The following PLG variants were observed in gnomAD, a reference collection of about 807,000 sequenced individuals.
The protein encoded by PLG is plasminogen.
PLG carries 41 observed loss-of-function variants against 104.4 expected under a neutral mutation model. The observed-to-expected ratio is 0.39, with a 90% CI of 0.31 to 0.51. The LOEUF is 0.51. Ranked by LOEUF, PLG falls within the 20% of genes least tolerant of loss-of-function variation. The pLI is 0.76. For missense variants in PLG, 891 were observed against 1,003.6 expected (o/e 0.89, Z 1.52); for synonymous variants, 337 against 357.1 (o/e 0.94, Z 0.63).
intron 17 of PLG, among the ~76,000 whole-genome samples, chr6:160,746,200 G>A (rs923986241): frequency 2.0e-5 from 3 of 152,026 alleles, no homozygotes; most frequent in Non-Finnish European, 4.4e-5. Flanking sequence ...AAGTTTTCAT[G>A]GACAATATCC....
chr6:160,714,611 G>T (rs992083113), intron 5 of PLG, among the ~76,000 whole-genome samples, 183 bp from the exon 6 acceptor site: 2 of 152,188 alleles, frequency 1.3e-5, no homozygotes, highest in African/African-American at 4.8e-5. Flanking sequence ...ATGACATTTG[G>T]ATTATGCTAG....
intron 6 of PLG, among the ~76,000 whole-genome samples, 154 bp from the exon 7 acceptor site, chr6:160,716,491 T>C (rs4252108): frequency 2.0e-5 from 3 of 151,922 alleles, no homozygotes; most frequent in African/African-American, 7.3e-5. Flanking sequence ...CTTGTTTCCT[T>C]GTTGCCATCT....
At position 160,714,812 on chromosome 6, in the gene PLG, G is replaced by A; in HGVS notation, c.566G>A (p.Ser189Asn). The change falls in exon 6 of 19, where the codon AGT (serine) becomes AAT (asparagine). Residue 189 changes from serine (S) to asparagine (N), a missense_variant. This residue lies in a region of PLG where 854 missense variants were observed against 932.1 expected (regional missense o/e 0.92). Transcript: ENST00000308192. ...TGTCCAGAGGAATGTATGCATTGCA[G>A]TGGAGAAAACTATGACGGCAAAATT... Reference protein sequence around the residue: ...LECEEECMHCSGENYDGKISK... With the variant: ...LECEEECMHCNGENYDGKISK... The A allele has an allele frequency of 6.2e-7, 1 of 1,613,722 alleles. No individual in the cohort carries two copies. The highest frequency in any genetic ancestry group is 8.5e-7 in the Non-Finnish European group (1 of 1,179,654).
Position 160,752,032 on chromosome 6 carries a change from C to T in PLG, c.2126-83C>T, listed in dbSNP as rs1778410158. On this transcript the variant is annotated intron_variant, in intron 17 of 18. Coordinates refer to ENST00000308192, the MANE Select transcript of PLG (RefSeq NM_000301.5). The surrounding 1 kb of genome is among the most constrained non-coding windows in gnomAD (Gnocchi z 4.7). ...TTCTGCAGCCTCACAGACAGGAGGT[C>T]CAGTGCCGCTGCTCTGTTCTGGAAT... The T allele has an allele frequency of 1.7e-6, 2 of 1,207,918 alleles. No homozygotes were observed. Among genetic ancestry groups the T allele is most frequent in the Admixed American group, 1.7e-5 (1 of 59,406 alleles). 74.8% of individuals were successfully genotyped at this position (1,207,918 alleles called of 1,614,324 possible).
intron 5 of PLG, among the ~76,000 whole-genome samples, chr6:160,713,940 G>A (rs573477982): frequency 6.6e-6 from 1 of 152,254 alleles, no homozygotes; most frequent in East Asian, 1.9e-4. Context: ...AGTGCAAAAG[G>A]GAATAAATAA....
rs768229583 is a variant in PLG, at chr6:160,732,834, C to G, written c.1587+941C>G. ...CTCCAGTGCACCAGCCCCCGGTACCCCAAGTGTTCAGCAACCCAGAAGCTC... is the reference window on the plus strand; with the variant it reads ...CTCCAGTGCACCAGCCCCCGGTACCGCAAGTGTTCAGCAACCCAGAAGCTC... On this transcript the variant is annotated intron_variant, in intron 12 of 18. Transcript: ENST00000308192. This position sits in a 1 kb window ranked among gnomAD's most constrained non-coding sequence, Gnocchi z 4.5. Among the ~76,000 whole-genome samples, 15 of 152,146 alleles carry G rather than the reference C, an allele frequency of 9.9e-5. No individual in the cohort carries two copies. Among genetic ancestry groups the G allele is most frequent in the Admixed American group, 7.9e-4 (12 of 15,270 alleles).
chr6:160,748,440 G>GAAAGAAAAAGAAAGA lies in PLG; in HGVS notation c.2126-3673_2126-3672insAGAAAAAGAAAGAAA, dbSNP rs1244989234. 2.3e-4 allele frequency among the ~76,000 whole-genome samples: 16 copies of GAAAGAAAAAGAAAGA among 69,416 alleles called. 3 individuals are homozygous for GAAAGAAAAAGAAAGA. The highest frequency in any genetic ancestry group is 1.7e-3 in the East Asian group (1 of 576). 45.5% of individuals were successfully genotyped at this position (69,416 alleles called of 152,430 possible). A position where few individuals can be genotyped will look rare whatever the true frequency, so the allele number is the denominator to read the frequency against. ...AGGGAAAGAAAGAGAACGAAAGAAA[G>GAAAGAAAAAGAAAGA]AAGGGAGGGAGGGAGGGAGGGAGGG... On this transcript the variant is annotated intron_variant, in intron 17 of 18. Coordinates refer to ENST00000308192, the MANE Select transcript of PLG (RefSeq NM_000301.5).
At chr6:160,751,427 T>C (rs1297588505) in intron 17 of PLG, among the ~76,000 whole-genome samples, 1 of 152,240 alleles carries the variant, frequency 6.6e-6, no homozygotes, top group African/African-American at 2.4e-5. Context: ...TTAAGTGAGA[T>C]ACATCGCATT....
rs1778410077 is a variant in PLG at position 160,752,029 on chromosome 6, G to A, written c.2126-86G>A. ...GTGTTCTGCAGCCTCACAGACAGGAGGTCCAGTGCCGCTGCTCTGTTCTGG... is the reference window on the plus strand; with the variant it reads ...GTGTTCTGCAGCCTCACAGACAGGAAGTCCAGTGCCGCTGCTCTGTTCTGG... On this transcript the variant is annotated intron_variant, in intron 17 of 18. Coordinates refer to ENST00000308192, the MANE Select transcript of PLG (RefSeq NM_000301.5). This position sits in a 1 kb window ranked among gnomAD's most constrained non-coding sequence, Gnocchi z 4.7. 8.6e-7 allele frequency: 1 copy of A among 1,163,382 alleles called. No individual in the cohort carries two copies. Among genetic ancestry groups the A allele is most frequent in the Non-Finnish European group, 1.3e-6 (1 of 776,860 alleles). 72.1% of individuals were successfully genotyped at this position (1,163,382 alleles called of 1,614,324 possible).
chr6:160,731,313 T>G lies in PLG; in HGVS notation c.1438+81T>G. The G allele has an allele frequency of 1.6e-6, 2 of 1,226,430 alleles. No homozygotes were observed. The highest frequency in any genetic ancestry group is 2.2e-4 in the Middle Eastern group (1 of 4,470). 76.0% of individuals were successfully genotyped at this position (1,226,430 alleles called of 1,614,324 possible). A position where few individuals can be genotyped will look rare whatever the true frequency, so the allele number is the denominator to read the frequency against. ...GGAAAATCTCACTGATGCAGAAACC[T>G]TCCATGCTACACGAGAAATCAAGTG... On this transcript the variant is annotated intron_variant, in intron 11 of 18. Transcript: ENST00000308192. The surrounding 1 kb of genome is among the most constrained non-coding windows in gnomAD (Gnocchi z 5.1).
chr6:160,725,459 A>G lies in PLG; in HGVS notation c.1256+2892A>G, dbSNP rs931051507. Among the ~76,000 whole-genome samples, 3 of 152,130 alleles carry G rather than the reference A, an allele frequency of 2.0e-5. No individual in the cohort carries two copies. The highest frequency in any genetic ancestry group is 4.8e-5 in the African/African-American group (2 of 41,440). ...TATTGCAAATCCTAGAACAACTGAA[A>G]AAATTTAAACTTAGAGGAATAGATA... On this transcript the variant is annotated intron_variant, in intron 10 of 18. Coordinates refer to ENST00000308192, the MANE Select transcript of PLG (RefSeq NM_000301.5). The surrounding 1 kb of genome is among the most constrained non-coding windows in gnomAD (Gnocchi z 6.3).
chr6:160,732,496 G>A lies in PLG; in HGVS notation c.1587+603G>A, dbSNP rs973160272. 4.2e-4 allele frequency among the ~76,000 whole-genome samples: 64 copies of A among 152,194 alleles called. No individual in the cohort carries two copies. The highest frequency in any genetic ancestry group is 5.6e-4 in the Non-Finnish European group (38 of 68,004). ...AGATACCAGCTGGGTGTCCTACAAT[G>A]TAACTCAGTGCTGACACTCTATCTG... On this transcript the variant is annotated intron_variant, in intron 12 of 18. Transcript: ENST00000308192. The surrounding 1 kb of genome is among the most constrained non-coding windows in gnomAD (Gnocchi z 4.5).
chr6:160,739,614 G>A lies in PLG; in HGVS notation c.2018+406G>A, dbSNP rs978188119. Reference sequence around the variant, plus strand: ...AGCACTTTAAAAACCACAAGATCGAGTTGGGTGTCTGGTGTGGGTGCCTGT... The same window carrying A: ...AGCACTTTAAAAACCACAAGATCGAATTGGGTGTCTGGTGTGGGTGCCTGT... On this transcript the variant is annotated intron_variant, in intron 16 of 18. Transcript: ENST00000308192. The surrounding 1 kb of genome is among the most constrained non-coding windows in gnomAD (Gnocchi z 4.4). Among the ~76,000 whole-genome samples the A allele has an allele frequency of 6.6e-6, 1 of 151,830 alleles. No individual in the cohort carries two copies. Among genetic ancestry groups the A allele is most frequent in the Non-Finnish European group, 1.5e-5 (1 of 67,940 alleles).
In PLG at chr6:160,723,237, G is replaced by A. The variant is rs866320411; in HGVS notation, c.1256+670G>A. Among the ~76,000 whole-genome samples, 1 of 150,062 alleles carries A rather than the reference G, an allele frequency of 6.7e-6. No homozygotes were observed. Among genetic ancestry groups the A allele is most frequent in the Non-Finnish European group, 1.5e-5 (1 of 67,954 alleles). On this transcript the variant is annotated intron_variant, in intron 10 of 18. Transcript: ENST00000308192. This position sits in a 1 kb window ranked among gnomAD's most constrained non-coding sequence, Gnocchi z 4.7. Reference sequence around the variant, plus strand: ...GATCCTGAGCACCAGTGGCCTGAAAGGATATGGGTTGCTGGGACATGAAGA... The same window carrying A: ...GATCCTGAGCACCAGTGGCCTGAAAAGATATGGGTTGCTGGGACATGAAGA...
chr6:160,746,817 T>C (rs1394610073), intron 17 of PLG, among the ~76,000 whole-genome samples: 2 of 152,238 alleles, frequency 1.3e-5, no homozygotes, highest in Non-Finnish European at 2.9e-5. Context: ...TATTTGTAGT[T>C]GATTTCTTGT....
intron 10 of PLG, among the ~76,000 whole-genome samples, chr6:160,727,963 GA>G (rs971837812): frequency 2.0e-5 from 3 of 151,588 alleles, no homozygotes; most frequent in Admixed American, 2.0e-4. Flanking sequence ...AAAAAGAGAG[GA>G]AAAAAAGGAA....
chr6:160,718,129 G>A (rs144782144), intron 7 of PLG, among the ~76,000 whole-genome samples, 165 bp from the exon 8 acceptor site: 1 of 152,320 alleles, frequency 6.6e-6, no homozygotes, highest in African/African-American at 2.4e-5. Flanking sequence ...ACACGCACCT[G>A]TAGTCTGAGC....
At chr6:160,717,996 A>C (rs1342908911) in intron 7 of PLG, among the ~76,000 whole-genome samples, 2 of 152,206 alleles carry the variant, frequency 1.3e-5, no homozygotes, top group Non-Finnish European at 2.9e-5. Context: ...TCACGCCTGT[A>C]ATCCCAGCAC....
intron 17 of PLG, among the ~76,000 whole-genome samples, chr6:160,742,008 C>T (rs1407371041): frequency 6.6e-6 from 1 of 152,202 alleles, no homozygotes; most frequent in Non-Finnish European, 1.5e-5. Context: ...TTTCTTATGG[C>T]TAAACAGTAT....
Sources: allele counts gnomAD v4.1 joint callset (sites outside exome capture counted in the v4.1 genomes callset), GRCh38; gene constraint gnomAD v4.1.1; regional missense constraint gnomAD v4.1.1; non-coding constraint Gnocchi (gnomAD v3.1); transcripts MANE v1.5; gene names NCBI Gene and HGNC (gene_info 2026-07-23, HGNC 2026-07-21).